The following RHBDF2 variants were observed in gnomAD, a reference collection of about 807,000 sequenced individuals.
RHBDF2 encodes inactive rhomboid protein 2.
RHBDF2 carries 38 observed loss-of-function variants against 95.2 expected under a neutral mutation model. The ratio of observed to expected loss-of-function variants is 0.40; its 90% confidence interval spans 0.31 to 0.52. The LOEUF (loss-of-function observed/expected upper bound fraction) is 0.52. Ranked by LOEUF, RHBDF2 falls within the 20% of genes least tolerant of loss-of-function variation. The pLI, the probability that RHBDF2 is intolerant of heterozygous loss-of-function variation, is 0.56. For synonymous variants in RHBDF2, 442 were observed against 462.0 expected, an observed-to-expected ratio of 0.96 and a Z score of 0.55; for missense variants, 863 against 1,137.7, an observed-to-expected ratio of 0.76 and a Z score of 3.47.
At chr17:76,474,297 C>T in intron 12 of RHBDF2, 76 bp downstream of exon 12, 1 of 1,529,738 alleles carries the variant, frequency 6.5e-7, no homozygotes, top group East Asian at 2.3e-5. Context: ...GTGGTCACTG[C>T]CCTTGAAGGA....
In RHBDF2 at chr17:76,478,824, A is replaced by C. The variant is rs752824551; in HGVS notation, c.654T>G (p.Ala218=). The change falls in exon 6 of 19, where the codon GCT becomes GCG. Residue 218 remains alanine, a synonymous_variant. Coordinates refer to ENST00000675367, the MANE Select transcript of RHBDF2 (RefSeq NM_001005498.4). ...CCCGCACCTTGAGGAGGGCAGCGGC[A>C]GCTTGCAAGCTCATGTGGGCCACAG... ...RMSVAHMSLQ[A]AAALLKGRSV... 6 of 1,612,894 alleles carry C rather than the reference A, an allele frequency of 3.7e-6. No homozygotes were observed. The highest frequency in any genetic ancestry group is 3.3e-5 in the South Asian group (3 of 90,940).
At chr17:76,500,272 C>T (rs1001809330) in intron 1 of RHBDF2, among the ~76,000 whole-genome samples, 4 of 152,120 alleles carry the variant, frequency 2.6e-5, no homozygotes, top group African/African-American at 9.7e-5. Context: ...CACTACCTGC[C>T]AGTAACAACA....
At position 76,489,325 on chromosome 17, in the gene RHBDF2, G is replaced by GTTTT. The variant is rs71161301; in HGVS notation, c.-219-1420_-219-1417dup. 3.4e-4 allele frequency among the ~76,000 whole-genome samples: 45 copies of GTTTT among 131,690 alleles called. 2 individuals carry two copies. The highest frequency in any genetic ancestry group is 4.9e-4 in the South Asian group (2 of 4,056). The allele number at this position is 131,690 out of a possible 152,430, so 86.4% of individuals were successfully genotyped here. On this transcript the variant is annotated intron_variant, in intron 1 of 18. Transcript: ENST00000675367. ...AAGCACGAAACCCAGGGGCATTCCT[G>GTTTT]TTTTTTTTTTTTTTTTGAGATGGAG...
chr17:76,472,856 C>A lies in RHBDF2; in HGVS notation c.1911-17G>T, dbSNP rs775006389. 1 of 1,578,824 alleles carries A rather than the reference C, an allele frequency of 6.3e-7. No individual in the cohort carries two copies. The highest frequency in any genetic ancestry group is 8.6e-7 in the Non-Finnish European group (1 of 1,161,192). On this transcript the variant is annotated splice_polypyrimidine_tract_variant and intron_variant, in intron 17 of 18. Transcript: ENST00000675367. Reference sequence around the variant, plus strand: ...TGCACCACGCTGGGGGAGGGACACACCAGGCAGCGGCCTTCAGCCAGGCAC... The same window carrying A: ...TGCACCACGCTGGGGGAGGGACACAACAGGCAGCGGCCTTCAGCCAGGCAC...
At position 76,477,659 on chromosome 17, in the gene RHBDF2, T is replaced by C. The variant is rs1166865425; in HGVS notation, c.799A>G (p.Lys267Glu). The C allele has an allele frequency of 6.2e-7, 1 of 1,613,848 alleles. No homozygotes were observed. The highest frequency in any genetic ancestry group is 1.7e-5 in the Admixed American group (1 of 60,002). Residue 267 changes from lysine (K) to glutamate (E), a missense_variant and splice_region_variant, in exon 7 of 19, where the codon AAG (lysine) becomes GAG (glutamate). Lys to Glu is a moderately conservative substitution (Grantham distance 56). Transcript: ENST00000675367. Reference protein sequence around the residue: ...ADTFDSSFFSKEEMSSMPDDV... With the variant: ...ADTFDSSFFSEEEMSSMPDDV... ...GCTGTCCCACACCCCATGCTTGCCTTACTAAAAAAGGAGGAGTCAAACGTG... is the reference window on the plus strand; with the variant it reads ...GCTGTCCCACACCCCATGCTTGCCTCACTAAAAAAGGAGGAGTCAAACGTG...
intron 4 of RHBDF2, 112 bp from the exon 5 acceptor site, chr17:76,479,389 G>C (rs2073877089): frequency 6.9e-7 from 1 of 1,452,424 alleles, no homozygotes; most frequent in Admixed American, 2.0e-5. Flanking sequence ...GGGAGGTGGG[G>C]GGCGGATCTG....
intron 1 of RHBDF2, among the ~76,000 whole-genome samples, chr17:76,490,495 G>A (rs1056956938): frequency 1.3e-5 from 2 of 152,164 alleles, no homozygotes; most frequent in African/African-American, 2.4e-5. Flanking sequence ...TCATAGCTTG[G>A]CCTCCTTTGG....
intron 1 of RHBDF2, among the ~76,000 whole-genome samples, chr17:76,497,844 G>C: frequency 6.6e-6 from 1 of 152,136 alleles, no homozygotes; most frequent in East Asian, 1.9e-4. Flanking sequence ...CTGAAGTTTG[G>C]AATCCTCCTC....
intron 2 of RHBDF2, among the ~76,000 whole-genome samples, chr17:76,483,925 C>A (rs1288695939): frequency 1.3e-5 from 2 of 152,162 alleles, no homozygotes; most frequent in Non-Finnish European, 2.9e-5. Flanking sequence ...TCATTCTCTT[C>A]GTTTCGTCTC....
chr17:76,476,847 C>G lies in RHBDF2; in HGVS notation c.1098G>C (p.Glu366Asp). ...SISSTVQRQL[E>D]SFDSHRPYFT... Reference sequence around the variant, plus strand: ...CACCTCACCGGTGGCTGTCGAAGCTCTCCAGCTGCCGCTGCACAGTGCTGC... The same window carrying G: ...CACCTCACCGGTGGCTGTCGAAGCTGTCCAGCTGCCGCTGCACAGTGCTGC... The change falls in exon 9 of 19, where the codon GAG becomes GAC. Residue 366 changes from glutamate to aspartate, a missense_variant. By Grantham distance (45) the Glu-to-Asp change is conservative (BLOSUM62 2). This residue lies in a region of RHBDF2 where 611 missense variants were observed against 725.5 expected (regional missense o/e 0.84). Transcript: ENST00000675367. The G allele has an allele frequency of 6.2e-7, 1 of 1,608,290 alleles. No individual in the cohort carries two copies. Among genetic ancestry groups the G allele is most frequent in the Non-Finnish European group, 8.5e-7 (1 of 1,178,370 alleles).
In RHBDF2 at chr17:76,479,754, G is replaced by A. The variant is rs2073891690; in HGVS notation, c.251C>T (p.Ser84Leu). The A allele has an allele frequency of 1.2e-6, 2 of 1,611,318 alleles. No individual in the cohort carries two copies. Among genetic ancestry groups the A allele is most frequent in the Non-Finnish European group, 8.5e-7 (1 of 1,179,902 alleles). Residue 84 changes from serine to leucine, a missense_variant, in exon 4 of 19, where the codon TCA (serine) becomes TTA (leucine). Ser to Leu is a moderately radical substitution (Grantham distance 145). Around this residue, in one of 2 missense-constraint regions of RHBDF2, gnomAD observed 611 missense variants for 725.5 expected, o/e 0.84. Coordinates refer to ENST00000675367, the MANE Select transcript of RHBDF2 (RefSeq NM_001005498.4). Reference sequence around the variant, plus strand: ...TCACTTGCGGATGCTCTGGGACAGTGAGGCCTGGCGGCGGAAGCCAGGGCG... The same window carrying A: ...TCACTTGCGGATGCTCTGGGACAGTAAGGCCTGGCGGCGGAAGCCAGGGCG... ...EKRPGFRRQASLSQSIRKGAA... is the reference protein window; with the variant it reads ...EKRPGFRRQALLSQSIRKGAA...
chr17:76,476,539 A>G (rs930376935), intron 9 of RHBDF2: 1 of 385,550 alleles, frequency 2.6e-6, no homozygotes, highest in Non-Finnish European at 4.7e-6. Flanking sequence ...TAGGGCCTGC[A>G]GGCAGTGACA....
chr17:76,500,789 C>G (rs1598183226), intron 1 of RHBDF2: 2 of 152,464 alleles, frequency 1.3e-5, no homozygotes, highest in African/African-American at 4.8e-5. Context: ...TCCCCAGCCC[C>G]TCCATCCAGA....
chr17:76,491,800 G>A (rs2074309240), intron 1 of RHBDF2, among the ~76,000 whole-genome samples: 1 of 152,206 alleles, frequency 6.6e-6, no homozygotes, highest in South Asian at 2.1e-4. Context: ...AAGGAGTGGG[G>A]ACTGTCAGAC....
intron 1 of RHBDF2, among the ~76,000 whole-genome samples, chr17:76,496,764 T>C (rs1442353597): frequency 6.6e-6 from 1 of 152,170 alleles, no homozygotes; most frequent in Non-Finnish European, 1.5e-5. Flanking sequence ...TCTCTTTTTT[T>C]TTTCTTTTAT....
chr17:76,477,138 C>T (rs1224422700), intron 8 of RHBDF2, 42 bp downstream of exon 8: 2 of 1,610,674 alleles, frequency 1.2e-6, no homozygotes, highest in African/African-American at 1.3e-5. Context: ...TGCCCCCAGG[C>T]TGGTGGCTGG....
chr17:76,488,854 A>G (rs555042940), intron 1 of RHBDF2, among the ~76,000 whole-genome samples: 88 of 152,278 alleles, frequency 5.8e-4, no homozygotes, highest in Admixed American at 9.8e-4. Flanking sequence ...AGGCTGAGGC[A>G]GGAGAATCAC....
chr17:76,498,671 C>A (rs1193805973), intron 1 of RHBDF2, among the ~76,000 whole-genome samples: 1 of 152,198 alleles, frequency 6.6e-6, no homozygotes, highest in Non-Finnish European at 1.5e-5. Flanking sequence ...GGAAAAACAG[C>A]ACCACTGACC....
chr17:76,473,348 GAGGGGACATC>G, intron 15 of RHBDF2, 21 bp from the exon 16 acceptor site: 1 of 1,601,284 alleles, frequency 6.2e-7, no homozygotes, highest in Non-Finnish European at 8.5e-7. Context: ...GGTGAGGCAA[GAGGGGACATC>G]AGGGCGCCGA....
Sources: gnomAD v4.1 joint callset for allele counts (sites outside exome capture counted in the v4.1 genomes callset) on GRCh38, gnomAD v4.1.1 for gene constraint, gnomAD v4.1.1 regional missense constraint, MANE v1.5 for transcripts, NCBI Gene and HGNC (gene_info 2026-07-23, HGNC 2026-07-21) for gene names.